The following IL15 variants were observed in gnomAD, a reference collection of about 807,000 sequenced individuals.
The protein encoded by IL15 is interleukin 15.
In IL15, 11 loss-of-function variants were observed where a neutral mutation model predicts 19.6. The observed-to-expected ratio is 0.56, with a 90% CI of 0.35 to 0.93. The LOEUF is 0.93. Ranked by LOEUF, IL15 falls within the 40% of genes least tolerant of loss-of-function variation. The probability of loss-of-function intolerance (pLI) is 0.01; values close to 1 mark genes in which losing one functional copy is unlikely to be tolerated. For synonymous variants in IL15, 58 were observed against 59.6 expected, an observed-to-expected ratio of 0.97 and a Z score of 0.12; for missense variants, 197 against 186.5, an observed-to-expected ratio of 1.06 and a Z score of -0.33.
rs74868457 is a variant in IL15 at position 141,694,711 on chromosome 4, G to A, written c.-99-24655G>A. ...TATTTCAAATTTATAACTCCAGCCT[G>A]GACCTCTATCCTGAAATACAGCCCC... On this transcript the variant is annotated intron_variant, in intron 2 of 7. Transcript: ENST00000320650. Among the ~76,000 whole-genome samples, 14 of 152,076 alleles carry A rather than the reference G, an allele frequency of 9.2e-5. No individual in the cohort carries two copies. The East Asian group carries it at 2.7e-3, about 29-fold the overall frequency.
At chr4:141,653,532 G>A (rs60497076) in intron 1 of IL15, among the ~76,000 whole-genome samples, 5,898 of 152,048 alleles carry the variant, frequency 0.039, 370 homozygotes, top group African/African-American at 0.13. Flanking sequence ...AAAAATGCAC[G>A]TATATATTTA....
At position 141,732,982 on chromosome 4, in the gene IL15, G is replaced by C. The variant is rs1579062021; in HGVS notation, c.*134G>C. ...CTGTCAAGAAGATGATCAGACCTTG[G>C]ATCAGATGAACTCTTAGAAATGAAG... On this transcript the variant is annotated 3_prime_UTR_variant, in exon 8 of 8. Transcript: ENST00000320650. 7 of 1,365,958 alleles carry C rather than the reference G, an allele frequency of 5.1e-6. No homozygotes were observed. The highest frequency in any genetic ancestry group is 1.5e-5 in the African/African-American group (1 of 66,876). The allele number at this position is 1,365,958 out of a possible 1,614,324, so 84.6% of individuals were successfully genotyped here.
At chr4:141,644,933 C>T (rs1399914765) in intron 1 of IL15, among the ~76,000 whole-genome samples, 1 of 152,116 alleles carries the variant, frequency 6.6e-6, no homozygotes, top group Non-Finnish European at 1.5e-5. Flanking sequence ...TAGGAGTGAT[C>T]CTCTGTGGCT....
chr4:141,671,428 T>C (rs1185210530), intron 2 of IL15, among the ~76,000 whole-genome samples: 5 of 152,222 alleles, frequency 3.3e-5, no homozygotes, highest in Non-Finnish European at 7.3e-5. Flanking sequence ...AATTTTGTAG[T>C]AAATTAGTTA....
chr4:141,637,603 A>C (rs1246262807), intron 1 of IL15, among the ~76,000 whole-genome samples: 1 of 152,200 alleles, frequency 6.6e-6, no homozygotes, highest in Non-Finnish European at 1.5e-5. Context: ...AAGGGTATAT[A>C]GTTCATTTGA....
chr4:141,691,605 A>T (rs1728913607), intron 2 of IL15, among the ~76,000 whole-genome samples: 1 of 152,214 alleles, frequency 6.6e-6, no homozygotes, highest in African/African-American at 2.4e-5. Context: ...AAGGGGCCAC[A>T]GGTTCCATGC....
intron 2 of IL15, among the ~76,000 whole-genome samples, chr4:141,693,327 A>C (rs1728987348): frequency 6.6e-6 from 1 of 152,142 alleles, no homozygotes. Context: ...CATGGGCATT[A>C]CAGTTCGAGA....
intron 2 of IL15, among the ~76,000 whole-genome samples, chr4:141,675,388 TA>T (rs1728309195): frequency 6.6e-6 from 1 of 152,188 alleles, no homozygotes; most frequent in African/African-American, 2.4e-5. Context: ...CATACTAAAC[TA>T]CTGTAATAAT....
At chr4:141,666,980 A>G (rs1206839000) in intron 2 of IL15, among the ~76,000 whole-genome samples, 3 of 152,190 alleles carry the variant, frequency 2.0e-5, no homozygotes, top group Non-Finnish European at 2.9e-5. Flanking sequence ...TGAATTTTCC[A>G]TAAGAGGCCC....
At chr4:141,650,918 C>G (rs967914652) in intron 1 of IL15, among the ~76,000 whole-genome samples, 1 of 152,056 alleles carries the variant, frequency 6.6e-6, no homozygotes, top group African/African-American at 2.4e-5. Context: ...GTCCAAGTCT[C>G]TAGACCCCAG....
chr4:141,726,535 G>A (rs1730271332), intron 5 of IL15, among the ~76,000 whole-genome samples: 1 of 152,116 alleles, frequency 6.6e-6, no homozygotes, highest in African/African-American at 2.4e-5. Context: ...AAAATAGTTT[G>A]GCAGCATCCT....
chr4:141,725,100 C>T (rs1730214945), intron 5 of IL15, among the ~76,000 whole-genome samples: 2 of 152,142 alleles, frequency 1.3e-5, no homozygotes, highest in Admixed American at 6.6e-5. Flanking sequence ...TACACCATGA[C>T]CGAGTGAGAT....
chr4:141,715,602 T>TA, intron 2 of IL15: 2 of 152,278 alleles, frequency 1.3e-5, no homozygotes, highest in South Asian at 4.1e-4. Context: ...TCCAAGGTCA[T>TA]AAAAAATGCC....
intron 2 of IL15, among the ~76,000 whole-genome samples, chr4:141,657,543 C>T (rs1221314151): frequency 2.0e-5 from 3 of 151,942 alleles, no homozygotes; most frequent in Non-Finnish European, 2.9e-5. Context: ...AAATGTTTCT[C>T]TTTACATCCT....
chr4:141,658,175 C>T (rs936507024), intron 2 of IL15, among the ~76,000 whole-genome samples: 1 of 152,142 alleles, frequency 6.6e-6, no homozygotes, highest in Admixed American at 6.5e-5. Context: ...AAGTGTGTAG[C>T]ACCTCCCCCT....
chr4:141,693,492 T>C (rs1048442732), intron 2 of IL15, among the ~76,000 whole-genome samples: 7 of 152,218 alleles, frequency 4.6e-5, no homozygotes, highest in Admixed American at 3.3e-4. Flanking sequence ...TGAACAGAAC[T>C]GAATAATTAA....
intron 2 of IL15, among the ~76,000 whole-genome samples, chr4:141,713,010 A>C (rs544550767): frequency 1.3e-5 from 2 of 152,218 alleles, no homozygotes; most frequent in South Asian, 4.1e-4. Context: ...AATTAATACC[A>C]ACCTCAGGTC....
chr4:141,694,590 G>A (rs1473272326), intron 2 of IL15, among the ~76,000 whole-genome samples: 1 of 152,162 alleles, frequency 6.6e-6, no homozygotes, highest in Non-Finnish European at 1.5e-5. Flanking sequence ...AACTGGAGAA[G>A]CCCAGGGCTC....
At chr4:141,656,931 A>G (rs1234902429) in intron 2 of IL15, among the ~76,000 whole-genome samples, 1 of 152,212 alleles carries the variant, frequency 6.6e-6, no homozygotes, top group Non-Finnish European at 1.5e-5. Flanking sequence ...GGTCAAGTTC[A>G]GTCTCGATAA....
Sources: allele counts gnomAD v4.1 joint callset (sites outside exome capture counted in the v4.1 genomes callset), GRCh38; gene constraint gnomAD v4.1.1; transcripts MANE v1.5; gene names NCBI Gene and HGNC (gene_info 2026-07-23, HGNC 2026-07-21).